ABCC3: variants seen among roughly 807,000 people sequenced by gnomAD.
The protein encoded by ABCC3 is ATP-binding cassette sub-family C member 3.
In ABCC3, 121 loss-of-function variants were observed where a neutral mutation model predicts 165.3. The ratio of observed to expected loss-of-function variants is 0.73; its 90% CI spans 0.63 to 0.85. The LOEUF (loss-of-function observed/expected upper bound fraction) is 0.85, where lower values mean the gene tolerates loss of function less well. Ranked by LOEUF, ABCC3 falls within the 40% of genes least tolerant of loss-of-function variation. ABCC3 has a pLI of 0.00. For synonymous variants in ABCC3, 733 were observed against 810.1 expected, an observed-to-expected ratio of 0.90 and a Z score of 1.62; for missense variants, 1,869 against 1,964.1, an observed-to-expected ratio of 0.95 and a Z score of 0.92.
At chr17:50,635,357 A>G (rs1335981218) in intron 1 of ABCC3, 1 of 638,748 alleles carries the variant, frequency 1.6e-6, no homozygotes, top group Admixed American at 2.3e-5. Flanking sequence ...TTCCTGATGG[A>G]GGGTCTTCCC....
At chr17:50,687,488 G>A (rs1567840063) in intron 29 of ABCC3, 48 bp from the exon 30 acceptor site, 2 of 1,577,336 alleles carry the variant, frequency 1.3e-6, no homozygotes, top group Non-Finnish European at 8.6e-7. Flanking sequence ...AGGCCCAGAG[G>A]CAGGTGGGAG....
Position 50,678,181 on chromosome 17 carries a change from C to A in ABCC3, c.3667C>A (p.Pro1223Thr). ...FAVIGRSSLN[P>T]GLVGLSVSYS... ...CGTCATCGGGAGGAGCAGCCTGAAC[C>A]CGGGGCTGGTGGGCCTTTCTGTGTC... The change falls in exon 25 of 31, where the codon CCG becomes ACG. Residue 1223 changes from proline to threonine, a missense_variant. Pro to Thr is a conservative substitution (Grantham distance 38, BLOSUM62 -1). Coordinates refer to ENST00000285238, the MANE Select transcript of ABCC3 (RefSeq NM_003786.4). 4 of 1,540,902 alleles carry A rather than the reference C, an allele frequency of 2.6e-6. No homozygotes were observed. Among genetic ancestry groups the A allele is most frequent in the Non-Finnish European group, 3.5e-6 (4 of 1,144,852 alleles).
At chr17:50,651,084 A>G (rs1169183337) in intron 1 of ABCC3, among the ~76,000 whole-genome samples, 2 of 151,752 alleles carry the variant, frequency 1.3e-5, no homozygotes, top group East Asian at 3.9e-4. Context: ...AAAAAAAAAA[A>G]AGAATTCTTA....
At chr17:50,647,698 C>G (rs1028180278) in intron 1 of ABCC3, among the ~76,000 whole-genome samples, 3 of 152,232 alleles carry the variant, frequency 2.0e-5, no homozygotes, top group Non-Finnish European at 4.4e-5. Context: ...GAAGCCCACA[C>G]TGTTGCAGGG....
At chr17:50,635,054 C>G (rs1280362287) in intron 1 of ABCC3, 73 bp downstream of exon 1, 2 of 1,236,368 alleles carry the variant, frequency 1.6e-6, no homozygotes, top group African/African-American at 3.1e-5. Context: ...CCGCCGCCTG[C>G]CTTCCCGCGG....
At position 50,669,475 on chromosome 17, in the gene ABCC3, C is replaced by T. The variant is rs191607677; in HGVS notation, c.2188C>T (p.Leu730=). The T allele has an allele frequency of 1.2e-5, 20 of 1,614,226 alleles. No homozygotes were observed. In the East Asian group the frequency reaches 4.5e-4, roughly 36 times the overall value. The change falls in exon 17 of 31, where the codon CTA becomes TTA. Residue 730 remains leucine, a synonymous_variant. Coordinates refer to ENST00000285238, the MANE Select transcript of ABCC3 (RefSeq NM_003786.4). ...YQQTLEACAL[L]ADLEMLPGGD... is the part of the protein sequence containing the mutation. ...GCAGACTCTGGAGGCCTGTGCCTTG[C>T]TAGCTGACCTGGAGATGCTGCCTGG...
chr17:50,654,746 G>T (rs1017610045), intron 1 of ABCC3, among the ~76,000 whole-genome samples: 6 of 152,098 alleles, frequency 3.9e-5, no homozygotes, highest in Non-Finnish European at 7.3e-5. Flanking sequence ...AGAGAAAGTG[G>T]TCTTTTAAAC....
intron 17 of ABCC3, among the ~76,000 whole-genome samples, chr17:50,672,700 A>G (rs923743707): frequency 2.6e-5 from 4 of 152,136 alleles, no homozygotes; most frequent in African/African-American, 9.7e-5. Context: ...TTCTGTCTCT[A>G]TAAAAAATAA....
Position 50,660,957 on chromosome 17 carries a change from T to G in ABCC3, c.841T>G (p.Ser281Ala). 9 of 1,611,960 alleles carry G rather than the reference T, an allele frequency of 5.6e-6. No homozygotes were observed. The highest frequency in any genetic ancestry group is 7.6e-6 in the Non-Finnish European group (9 of 1,179,048). The change falls in exon 8 of 31, where the codon TCC becomes GCC. Residue 281 changes from serine to alanine, a missense_variant. Ser to Ala is a moderately conservative substitution (Grantham distance 99, BLOSUM62 1). Coordinates refer to ENST00000285238, the MANE Select transcript of ABCC3 (RefSeq NM_003786.4). ...KASAAPGKNA[S>A]GEDEVLLGAR... ...TTCAGCAGCACCTGGGAAAAATGCC[T>G]CCGGCGAGGACGAGGTGCTGCTGGG... is the stretch of plus-strand genomic sequence containing the variant.
At chr17:50,657,234 T>G in intron 4 of ABCC3, 51 bp downstream of exon 4, 1 of 1,595,350 alleles carries the variant, frequency 6.3e-7, no homozygotes, top group Non-Finnish European at 8.5e-7. Flanking sequence ...GATAGGAGGG[T>G]GACCTCAGGG....
At chr17:50,678,359 A>G in intron 25 of ABCC3, 140 bp downstream of exon 25, 1 of 913,964 alleles carries the variant, frequency 1.1e-6, no homozygotes, top group Non-Finnish European at 1.5e-6. Flanking sequence ...GTGAGAAAAA[A>G]AAAAAAAGAA....
In ABCC3 at chr17:50,665,233, G is replaced by A. The variant is rs1967496690; in HGVS notation, c.1419G>A (p.Met473Ile). The A allele has an allele frequency of 2.5e-6, 4 of 1,585,708 alleles. No homozygotes were observed. Among genetic ancestry groups the A allele is most frequent in the East Asian group, 2.3e-5 (1 of 42,888 alleles). Residue 473 changes from methionine to isoleucine, a missense_variant, in exon 11 of 31, where the codon ATG (methionine) becomes ATA (isoleucine). By Grantham distance (10) the Met-to-Ile change is conservative. Coordinates refer to ENST00000285238, the MANE Select transcript of ABCC3 (RefSeq NM_003786.4). The part of the protein sequence containing the change: ...IPLNGAVAVK[M>I]RAFQVKQMKL... The stretch of plus-strand genomic sequence containing the variant: ...TCAACGGAGCTGTGGCCGTGAAGAT[G>A]CGCGCCTTCCAGGTAGGTGCTGTCA...
In ABCC3 at chr17:50,683,765, G is replaced by C. The variant is rs11568592; in HGVS notation, c.3954+9G>C. 11 of 1,601,652 alleles carry C rather than the reference G, an allele frequency of 6.9e-6. No homozygotes were observed. Among genetic ancestry groups the C allele is most frequent in the South Asian group, 3.3e-5 (3 of 89,650 alleles). On this transcript the variant is annotated intron_variant, in intron 27 of 30. Coordinates refer to ENST00000285238, the MANE Select transcript of ABCC3 (RefSeq NM_003786.4). The stretch of plus-strand genomic sequence containing the variant: ...TGCACGGTGGCGAGAAGGTACGCGT[G>C]GGGTAGGCGGGCCTGCGTGTGTGTT...
chr17:50,679,652 C>T (rs1967892041), intron 25 of ABCC3, 146 bp from the exon 26 acceptor site: 1 of 673,506 alleles, frequency 1.5e-6, no homozygotes, highest in Non-Finnish European at 2.6e-6. Context: ...GCTGGCATGC[C>T]TGTGGGCTTG....
At position 50,661,007 on chromosome 17, in the gene ABCC3, C is replaced by T. The variant is rs1967368884; in HGVS notation, c.891C>T (p.Pro297=). 6.2e-7 allele frequency: 1 copy of T among 1,614,128 alleles called. No individual in the cohort carries two copies. Among genetic ancestry groups the T allele is most frequent in the African/African-American group, 1.3e-5 (1 of 75,070 alleles). The part of the protein sequence containing the change: ...LLGARPRPRK[P]SFLKALLATF... ...GTGCCCGGCCCAGGCCCCGGAAGCC[C>T]TCCTTCCTGAAGGCCCTGCTGGCCA... The change falls in exon 8 of 31, where the codon CCC becomes CCT. Residue 297 remains proline, a synonymous_variant. Coordinates refer to ENST00000285238, the MANE Select transcript of ABCC3 (RefSeq NM_003786.4).
intron 1 of ABCC3, among the ~76,000 whole-genome samples, chr17:50,648,839 G>T (rs1412256655): frequency 6.6e-6 from 1 of 152,208 alleles, no homozygotes; most frequent in Non-Finnish European, 1.5e-5. Context: ...CACAGGTCGG[G>T]TGCAGTGACT....
At chr17:50,685,754 T>A (rs1968011081) in intron 29 of ABCC3, among the ~76,000 whole-genome samples, 1 of 151,980 alleles carries the variant, frequency 6.6e-6, no homozygotes, top group South Asian at 2.1e-4. Flanking sequence ...GTCAGTGTGA[T>A]GACAGGAAAA....
intron 1 of ABCC3, 105 bp downstream of exon 1, chr17:50,635,086 G>C (rs1240755029): frequency 1.7e-6 from 2 of 1,194,588 alleles, no homozygotes; most frequent in African/African-American, 1.6e-5. Flanking sequence ...ATCCCGGGAC[G>C]GAGCCCCTGA....
At chr17:50,658,310 G>C in intron 5 of ABCC3, 103 bp downstream of exon 5, 3 of 1,590,108 alleles carry the variant, frequency 1.9e-6, no homozygotes, top group Middle Eastern at 1.7e-4. Flanking sequence ...GTGGGAGAGA[G>C]GTCATCCCCA....
Sources: gnomAD v4.1 joint callset for allele counts (sites outside exome capture counted in the v4.1 genomes callset) on GRCh38, gnomAD v4.1.1 for gene constraint, MANE v1.5 for transcripts, NCBI Gene and HGNC (gene_info 2026-07-23, HGNC 2026-07-21) for gene names.